RHOU: variants seen among roughly 807,000 people sequenced by gnomAD.
The protein encoded by RHOU is ras homolog family member U, also known as rho-related GTP-binding protein RhoU.
Under a neutral mutation model 12.6 loss-of-function variants are expected in RHOU, and 8 were observed. That is an observed-to-expected ratio of 0.64 (90% CI 0.37 to 1.15). The LOEUF is 1.15. Ranked by LOEUF, RHOU falls within the 50% of genes most tolerant of loss-of-function variation. The pLI is 0.01. For synonymous variants in RHOU, 161 were observed against 147.4 expected (o/e 1.09, Z -0.67); for missense variants, 258 against 347.0 (o/e 0.74, Z 2.04).
chr1:228,681,020 A>G, the RHOU span, among the ~76,000 whole-genome samples: 1 of 152,214 alleles, frequency 6.6e-6, no homozygotes, highest in Admixed American at 6.5e-5. Context: ...TTTCCCATTC[A>G]TCTGGGGAGA....
the RHOU span, among the ~76,000 whole-genome samples, chr1:228,675,664 G>T: frequency 6.6e-6 from 1 of 152,158 alleles, no homozygotes; most frequent in South Asian, 2.1e-4. Context: ...TATTATAACA[G>T]ATTTTTCTGT....
the RHOU span, among the ~76,000 whole-genome samples, chr1:228,707,124 A>ATATATATATATATG: frequency 1.1e-4 from 9 of 78,590 alleles, 1 homozygote; most frequent in African/African-American, 1.4e-3. Flanking sequence ...ATATATATAT[A>ATATATATATATATG]TACATATATA....
At chr1:228,708,556 C>A in the RHOU span, among the ~76,000 whole-genome samples, 1 of 151,338 alleles carries the variant, frequency 6.6e-6, no homozygotes, top group African/African-American at 2.4e-5. Flanking sequence ...TCCAGCCAAA[C>A]TAAACTTCAT....
the RHOU span, among the ~76,000 whole-genome samples, chr1:228,695,465 T>C: frequency 1.3e-4 from 20 of 152,030 alleles, no homozygotes; most frequent in Non-Finnish European, 1.5e-5. Context: ...TCCCTCAACC[T>C]CAGATTGAGG....
At chr1:228,696,830 A>G in the RHOU span, among the ~76,000 whole-genome samples, 1 of 152,172 alleles carries the variant, frequency 6.6e-6, no homozygotes, top group African/African-American at 2.4e-5. Context: ...TACAGGAATG[A>G]GCCACCATGC....
chr1:228,693,657 G>A, the RHOU span, among the ~76,000 whole-genome samples: 5 of 152,032 alleles, frequency 3.3e-5, no homozygotes, highest in Admixed American at 6.6e-5. Context: ...CAGTAGAGAC[G>A]GGCTTTCACC....
the RHOU span, among the ~76,000 whole-genome samples, chr1:228,689,648 T>G: frequency 6.6e-6 from 1 of 151,908 alleles, no homozygotes; most frequent in African/African-American, 2.4e-5. Flanking sequence ...CCACCTGAGC[T>G]CCGCCTCCTG....
the RHOU span, among the ~76,000 whole-genome samples, chr1:228,647,073 T>C: frequency 6.6e-6 from 1 of 151,808 alleles, no homozygotes; most frequent in East Asian, 1.9e-4. Flanking sequence ...GTTTGAGCCT[T>C]AGAGAGGAAG....
upstream of RHOU, among the ~76,000 whole-genome samples, chr1:228,732,999 A>G (rs1211928351): frequency 3.3e-5 from 5 of 152,282 alleles, no homozygotes; most frequent in East Asian, 9.6e-4. Context: ...CTATGACATT[A>G]TTTTCATTTT....
chr1:228,743,001 T>C lies in RHOU; in HGVS notation c.322-284T>C, dbSNP rs768478394. On this transcript the variant is annotated intron_variant, in intron 2 of 2. Coordinates refer to ENST00000366691, the MANE Select transcript of RHOU (RefSeq NM_021205.6). The surrounding 1 kb of genome is among the most constrained non-coding windows in gnomAD (Gnocchi z 5.1). ...CCACCTACTTTGAGCACTTTTTCTA[T>C]GTTAAGCTGTAAGTAGGTCTTGAGT... is the stretch of plus-strand genomic sequence containing the variant. Among the ~76,000 whole-genome samples the C allele has an allele frequency of 3.2e-4, 49 of 152,186 alleles. No homozygotes were observed. Among genetic ancestry groups the C allele is most frequent in the Non-Finnish European group, 6.2e-4 (42 of 68,032 alleles).
chr1:228,722,820 A>C, the RHOU span, among the ~76,000 whole-genome samples: 1 of 151,986 alleles, frequency 6.6e-6, no homozygotes, highest in Non-Finnish European at 1.5e-5. Flanking sequence ...ACGGGGTTTC[A>C]CCACGTTGGC....
chr1:228,708,832 C>T, the RHOU span, among the ~76,000 whole-genome samples: 26 of 152,126 alleles, frequency 1.7e-4, no homozygotes, highest in African/African-American at 5.8e-4. Flanking sequence ...TGTCAATGGA[C>T]TAAATGCTCC....
At chr1:228,708,601 C>A in the RHOU span, among the ~76,000 whole-genome samples, 1 of 151,896 alleles carries the variant, frequency 6.6e-6, no homozygotes, top group Non-Finnish European at 1.5e-5. Flanking sequence ...TACAGACAAG[C>A]AAATACTGAG....
the RHOU span, among the ~76,000 whole-genome samples, chr1:228,719,900 C>T: frequency 1.3e-5 from 2 of 152,056 alleles, no homozygotes; most frequent in Non-Finnish European, 2.9e-5. Context: ...TTTGAGAATA[C>T]TATCATTGCT....
chr1:228,667,591 G>A, the RHOU span, among the ~76,000 whole-genome samples: 1 of 152,098 alleles, frequency 6.6e-6, no homozygotes, highest in African/African-American at 2.4e-5. Flanking sequence ...CCTCTCTCTG[G>A]CCTGTATCTC....
At position 228,737,924 on chromosome 1, in the gene RHOU, C is replaced by A. The variant is rs1044709839; in HGVS notation, c.321+193C>A. 6.6e-6 allele frequency among the ~76,000 whole-genome samples: 1 copy of A among 152,156 alleles called. No individual in the cohort carries two copies. Among genetic ancestry groups the A allele is most frequent in the African/African-American group, 2.4e-5 (1 of 41,444 alleles). On this transcript the variant is annotated intron_variant, in intron 2 of 2. Coordinates refer to ENST00000366691, the MANE Select transcript of RHOU (RefSeq NM_021205.6). This position sits in a 1 kb window ranked among gnomAD's most constrained non-coding sequence, Gnocchi z 4.1. Reference sequence around the variant, plus strand: ...GGCCGGCAGGAAGCAGAGGAAGATACCTCCAAACTAATAAAGCAGGGTTTG... The same window carrying A: ...GGCCGGCAGGAAGCAGAGGAAGATAACTCCAAACTAATAAAGCAGGGTTTG...
chr1:228,670,333 C>A, the RHOU span, among the ~76,000 whole-genome samples: 1 of 152,194 alleles, frequency 6.6e-6, no homozygotes. Context: ...AGATTAGGGG[C>A]CTCTTCGCTA....
At chr1:228,668,997 C>T in the RHOU span, among the ~76,000 whole-genome samples, 1 of 152,206 alleles carries the variant, frequency 6.6e-6, no homozygotes, top group Non-Finnish European at 1.5e-5. Context: ...CAGGATGGGC[C>T]TTGATGGTGT....
chr1:228,662,860 G>A, the RHOU span, among the ~76,000 whole-genome samples: 1 of 152,022 alleles, frequency 6.6e-6, no homozygotes, highest in Non-Finnish European at 1.5e-5. Context: ...CTGCATCAAG[G>A]GGAATGGCAG....
Sources: gnomAD v4.1 joint callset for allele counts (sites outside exome capture counted in the v4.1 genomes callset) on GRCh38, gnomAD v4.1.1 for gene constraint, Gnocchi (gnomAD v3.1) non-coding constraint, MANE v1.5 for transcripts, NCBI Gene and HGNC (gene_info 2026-07-23, HGNC 2026-07-21) for gene names.